GAL3ST2: variants seen among roughly 807,000 people sequenced by gnomAD.
GAL3ST2 encodes the protein beta-galactose-3-O-sulfotransferase 2.
GAL3ST2 carries 16 observed loss-of-function variants against 12.9 expected under a neutral mutation model. The ratio of observed to expected loss-of-function variants is 1.24; its 90% confidence interval spans 0.84 to 1.88. The LOEUF (loss-of-function observed/expected upper bound fraction) is 1.88, where lower values mean the gene tolerates loss of function less well. GAL3ST2 is among the 40% of genes most tolerant of loss of function. The pLI is 0.00. For missense variants in GAL3ST2, 639 were observed against 571.8 expected, an observed-to-expected ratio of 1.12 and a Z score of -1.20; for synonymous variants, 302 against 273.9, an observed-to-expected ratio of 1.10 and a Z score of -1.01.
At chr2:241,780,355 C>A (rs1257572247) in intron 1 of GAL3ST2, among the ~76,000 whole-genome samples, 1 of 152,044 alleles carries the variant, frequency 6.6e-6, no homozygotes, top group African/African-American at 2.4e-5. Flanking sequence ...CCCATCTCTA[C>A]TAAAAATACA....
At chr2:241,780,392 G>A (rs1015895865) in intron 1 of GAL3ST2, among the ~76,000 whole-genome samples, 6 of 152,112 alleles carry the variant, frequency 3.9e-5, no homozygotes, top group Admixed American at 1.3e-4. Context: ...GATGGTGGAC[G>A]CTTGTAATTC....
chr2:241,787,327 C>T (rs938528045), intron 1 of GAL3ST2, among the ~76,000 whole-genome samples: 2 of 152,148 alleles, frequency 1.3e-5, no homozygotes, highest in East Asian at 1.9e-4. Flanking sequence ...TTAACTGAGA[C>T]GTGTCTCAAA....
intron 1 of GAL3ST2, among the ~76,000 whole-genome samples, chr2:241,787,087 A>G (rs115645482): frequency 6.6e-6 from 1 of 152,276 alleles, no homozygotes; most frequent in African/African-American, 2.4e-5. Context: ...TATGACCTGG[A>G]AGCCCTTCCC....
In GAL3ST2 at chr2:241,803,414, TCC is replaced by T. The variant is rs1699882875; in HGVS notation, c.446_447del (p.Ser149PhefsTer224). Reference protein sequence around the residue: ...ILRNPVFQLESSFIYYKTYAP... With the variant: ...ILRNPVFQLEXSFIYYKTYAP... ...GAGGAACCCCGTGTTCCAGCTGGAG[TCC>T]TCCTTCATCTACTACAAAACCTACG... On this transcript the variant is annotated frameshift_variant, in exon 4 of 4. Transcript: ENST00000192314. LOFTEE classifies it low-confidence loss of function (END_TRUNC). 5.0e-6 allele frequency: 8 copies of T among 1,611,420 alleles called. No homozygotes were observed. Among genetic ancestry groups the T allele is most frequent in the Non-Finnish European group, 6.8e-6 (8 of 1,179,004 alleles).
Position 241,801,346 on chromosome 2 carries a change from T to A in GAL3ST2, c.120-435T>A. On this transcript the variant is annotated intron_variant, in intron 2 of 3. Coordinates refer to ENST00000192314, the MANE Select transcript of GAL3ST2 (RefSeq NM_022134.3). The surrounding 1 kb of genome is among the most constrained non-coding windows in gnomAD (Gnocchi z 4.4). ...CGTGGTGTAGATGTGCCACATTTTC[T>A]TTACGGTCTCTATGTAACATTCACA... The A allele has an allele frequency of 5.8e-6, 1 of 171,778 alleles. No individual in the cohort carries two copies. The highest frequency in any genetic ancestry group is 1.2e-5 in the Non-Finnish European group (1 of 81,344). The allele number at this position is 171,778 out of a possible 1,614,324, so 10.6% of individuals were successfully genotyped here.
Position 241,803,591 on chromosome 2 carries a change from G to A in GAL3ST2, c.622G>A (p.Gly208Ser). ...GFDPNAQCEE[G>S]YVRARIAEVE... ...CGACCCCAACGCGCAGTGCGAGGAG[G>A]GCTACGTGCGCGCGCGCATCGCCGA... The change falls in exon 4 of 4, where the codon GGC becomes AGC. Residue 208 changes from glycine (G) to serine (S), a missense_variant. Transcript: ENST00000192314. 1 of 1,579,524 alleles carries A rather than the reference G, an allele frequency of 6.3e-7. No individual in the cohort carries two copies. The highest frequency in any genetic ancestry group is 8.6e-7 in the Non-Finnish European group (1 of 1,161,842).
Position 241,803,578 on chromosome 2 carries a change from G to A in GAL3ST2, c.609G>A (p.Ala203=). 6.3e-7 allele frequency: 1 copy of A among 1,591,026 alleles called. No individual in the cohort carries two copies. Among genetic ancestry groups the A allele is most frequent in the Non-Finnish European group, 8.6e-7 (1 of 1,168,162 alleles). Residue 203 remains alanine, a synonymous_variant, in exon 4 of 4, where the codon GCG becomes GCA. Coordinates refer to ENST00000192314, the MANE Select transcript of GAL3ST2 (RefSeq NM_022134.3). ...TCGACTTCGGCTTCGACCCCAACGC[G>A]CAGTGCGAGGAGGGCTACGTGCGCG... is the stretch of plus-strand genomic sequence containing the variant. ...MWFDFGFDPN[A]QCEEGYVRAR...
At chr2:241,797,683 A>G (rs1699789706) in intron 1 of GAL3ST2, among the ~76,000 whole-genome samples, 1 of 150,930 alleles carries the variant, frequency 6.6e-6, no homozygotes, top group African/African-American at 2.5e-5. Flanking sequence ...GTGACCACTG[A>G]GCAGCGGGGC....
chr2:241,786,158 T>TGTGTGTGTGTGTGA (rs1485547281), intron 1 of GAL3ST2, among the ~76,000 whole-genome samples: 59 of 152,010 alleles, frequency 3.9e-4, no homozygotes, highest in Admixed American at 3.4e-3. Flanking sequence ...TGTGTGTGTG[T>TGTGTGTGTGTGTGA]GTGTGTGTGT....
At position 241,776,979 on chromosome 2, in the gene GAL3ST2, G is replaced by A; in HGVS notation, c.24G>A (p.Leu8=). The stretch of plus-strand genomic sequence containing the variant: ...AGATGATGTCCATGCTGGGCGGCTT[G>A]CAGAGGTAAGGGGGGCAGTTGGACC... MMSMLGG[L]QRYFRVILLL... The change falls in exon 1 of 4, where the codon TTG becomes TTA. Residue 8 remains leucine, a synonymous_variant. Coordinates refer to ENST00000192314, the MANE Select transcript of GAL3ST2 (RefSeq NM_022134.3). 2 of 1,548,892 alleles carry A rather than the reference G, an allele frequency of 1.3e-6. No individual in the cohort carries two copies. Among genetic ancestry groups the A allele is most frequent in the Non-Finnish European group, 1.8e-6 (2 of 1,142,672 alleles).
rs570780601 is a variant in GAL3ST2, at chr2:241,778,020, G to A, written c.29+1036G>A. On this transcript the variant is annotated intron_variant, in intron 1 of 3. Coordinates refer to ENST00000192314, the MANE Select transcript of GAL3ST2 (RefSeq NM_022134.3). ...CAGCTGCTGGTCTCACTGCCTGGCA[G>A]GATGGGCTCACTGCAGCAGCCCATG... 2.0e-5 allele frequency among the ~76,000 whole-genome samples: 3 copies of A among 152,330 alleles called. No homozygotes were observed. The South Asian group carries it at 6.2e-4, about 32-fold the overall frequency.
At chr2:241,792,013 TC>T in intron 1 of GAL3ST2, among the ~76,000 whole-genome samples, 1 of 148,448 alleles carries the variant, frequency 6.7e-6, no homozygotes, top group Non-Finnish European at 1.5e-5. Flanking sequence ...TTTCTTTCTT[TC>T]TTTTTTTTTT....
In GAL3ST2 at chr2:241,793,253, T is replaced by C. The variant is rs1031028388; in HGVS notation, c.30-5812T>C. Among the ~76,000 whole-genome samples, 1 of 152,226 alleles carries C rather than the reference T, an allele frequency of 6.6e-6. No individual in the cohort carries two copies. The highest frequency in any genetic ancestry group is 1.5e-5 in the Non-Finnish European group (1 of 68,048). On this transcript the variant is annotated intron_variant, in intron 1 of 3. Transcript: ENST00000192314. This position sits in a 1 kb window ranked among gnomAD's most constrained non-coding sequence, Gnocchi z 4.7. ...CTCAGTTAATTTAGAAAGTTTATTT[T>C]GCCATAAAGTTCATCCATGTCCAGC...
chr2:241,797,658 C>T (rs990872334), intron 1 of GAL3ST2, among the ~76,000 whole-genome samples: 6 of 150,694 alleles, frequency 4.0e-5, no homozygotes, highest in East Asian at 1.9e-4. Flanking sequence ...CCCATGGCAG[C>T]GCAGGAATGG....
At chr2:241,796,761 G>A (rs911304992) in intron 1 of GAL3ST2, among the ~76,000 whole-genome samples, 1 of 152,172 alleles carries the variant, frequency 6.6e-6, no homozygotes, top group African/African-American at 2.4e-5. Flanking sequence ...AGCGCCCGGG[G>A]TAGATGGTTA....
Position 241,803,711 on chromosome 2 carries a change from G to T in GAL3ST2, c.742G>T (p.Val248Leu). The change falls in exon 4 of 4, where the codon GTG becomes TTG. Residue 248 changes from valine to leucine, a missense_variant. By Grantham distance (32) the Val-to-Leu change is conservative (BLOSUM62 1). Coordinates refer to ENST00000192314, the MANE Select transcript of GAL3ST2 (RefSeq NM_022134.3). ...CCGGCTGCGCTGGGCGCTGGACGACGTGGTGGCCTTCAGGCTCAACTCCCG... is the reference window on the plus strand; with the variant it reads ...CCGGCTGCGCTGGGCGCTGGACGACTTGGTGGCCTTCAGGCTCAACTCCCG... ...RRRLRWALDD[V>L]VAFRLNSRSA... The T allele has an allele frequency of 6.5e-7, 1 of 1,544,124 alleles. No individual in the cohort carries two copies. Among genetic ancestry groups the T allele is most frequent in the Non-Finnish European group, 8.7e-7 (1 of 1,144,506 alleles).
chr2:241,778,998 C>T (rs1378775007), intron 1 of GAL3ST2, among the ~76,000 whole-genome samples: 1 of 152,096 alleles, frequency 6.6e-6, no homozygotes, highest in Non-Finnish European at 1.5e-5. Flanking sequence ...TTGCCCTGAG[C>T]AGTTCCCAGC....
At chr2:241,794,688 C>T (rs764523682) in intron 1 of GAL3ST2, among the ~76,000 whole-genome samples, 1 of 152,166 alleles carries the variant, frequency 6.6e-6, no homozygotes, top group East Asian at 1.9e-4. Flanking sequence ...CTCTGGCAAC[C>T]CCCAGAGCAA....
rs1699844601 is a variant in GAL3ST2 at position 241,801,497 on chromosome 2, T to C, written c.120-284T>C. 2.1e-6 allele frequency: 1 copy of C among 480,500 alleles called. No individual in the cohort carries two copies. Among genetic ancestry groups the C allele is most frequent in the Non-Finnish European group, 3.7e-6 (1 of 269,996 alleles). The allele number at this position is 480,500 out of a possible 1,614,324, so 29.8% of individuals were successfully genotyped here. The stretch of plus-strand genomic sequence containing the variant: ...GGGGTCCCCTTGGCCAAGATGGGGT[T>C]CATTTAGGGTTTTATTTTTAGTTCT... On this transcript the variant is annotated intron_variant, in intron 2 of 3. Coordinates refer to ENST00000192314, the MANE Select transcript of GAL3ST2 (RefSeq NM_022134.3). This position sits in a 1 kb window ranked among gnomAD's most constrained non-coding sequence, Gnocchi z 4.4.
Sources: allele counts gnomAD v4.1 joint callset (sites outside exome capture counted in the v4.1 genomes callset), GRCh38; gene constraint gnomAD v4.1.1; non-coding constraint Gnocchi (gnomAD v3.1); transcripts MANE v1.5; gene names NCBI Gene and HGNC (gene_info 2026-07-23, HGNC 2026-07-21).